KDM7A: variants seen among roughly 807,000 people sequenced by gnomAD.
The protein encoded by KDM7A is lysine-specific demethylase 7A.
KDM7A carries 28 observed loss-of-function variants against 114.8 expected under a neutral mutation model. The ratio of observed to expected loss-of-function variants is 0.24; its 90% confidence interval spans 0.18 to 0.33. KDM7A has a LOEUF of 0.33. Ranked by LOEUF, KDM7A falls within the 10% of genes least tolerant of loss-of-function variation. The pLI is 1.00. For missense variants in KDM7A, 942 were observed against 1,142.5 expected (o/e 0.82, Z 2.53); for synonymous variants, 423 against 397.8 (o/e 1.06, Z -0.75).
At chr7:140,159,919 TAAG>T (rs1444352121) in intron 1 of KDM7A, among the ~76,000 whole-genome samples, 1 of 149,258 alleles carries the variant, frequency 6.7e-6, no homozygotes, top group African/African-American at 2.5e-5. Context: ...TTTGCTTATT[TAAG>T]TTCTTCAATC....
chr7:140,173,492 C>T (rs1206124345), intron 1 of KDM7A, among the ~76,000 whole-genome samples: 3 of 152,116 alleles, frequency 2.0e-5, no homozygotes, highest in Admixed American at 6.5e-5. Flanking sequence ...ATGTCAGAAA[C>T]GCCAGGCAGA....
At chr7:140,140,925 T>C (rs889469060) in intron 1 of KDM7A, among the ~76,000 whole-genome samples, 8 of 151,778 alleles carry the variant, frequency 5.3e-5, no homozygotes, top group Non-Finnish European at 7.4e-5. Context: ...ATCCAGAAAA[T>C]GCAAAAGAAT....
intron 4 of KDM7A, among the ~76,000 whole-genome samples, chr7:140,128,893 C>T (rs1818747296): frequency 6.6e-6 from 1 of 152,186 alleles, no homozygotes; most frequent in Non-Finnish European, 1.5e-5. Flanking sequence ...ATGTCAACAA[C>T]ATGGCAAGGG....
rs549997634 is a variant in KDM7A at position 140,121,663 on chromosome 7, T to C, written c.1052-1134A>G. ...TTGTGAGTGGGAGCCAGGAGTACAA[T>C]ATGTGAGACAGTTCCATACAAAATG... On this transcript the variant is annotated intron_variant, in intron 7 of 19. Transcript: ENST00000397560. Among the ~76,000 whole-genome samples the C allele has an allele frequency of 9.2e-5, 14 of 152,324 alleles. No homozygotes were observed. In the South Asian group the frequency reaches 1.7e-3, roughly 18 times the overall value.
At chr7:140,153,652 G>T (rs2116839422) in intron 1 of KDM7A, among the ~76,000 whole-genome samples, 1 of 152,316 alleles carries the variant, frequency 6.6e-6, no homozygotes, top group South Asian at 2.1e-4. Context: ...TGAAAAAACA[G>T]TAAAACTAAT....
At chr7:140,124,479 TA>T (rs1451514444) in intron 7 of KDM7A, 141 bp downstream of exon 7, 22 of 590,146 alleles carry the variant, frequency 3.7e-5, no homozygotes, top group Non-Finnish European at 6.3e-5. Context: ...GAACAAAACA[TA>T]AAAGTCCAAG....
At chr7:140,094,996 C>T (rs1436389276) in intron 17 of KDM7A, among the ~76,000 whole-genome samples, 6 of 152,168 alleles carry the variant, frequency 3.9e-5, no homozygotes, top group South Asian at 4.1e-4. Flanking sequence ...TACAGGCATG[C>T]GCCACCACGC....
At chr7:140,096,874 G>A (rs202106512) in intron 16 of KDM7A, 25 bp downstream of exon 16, 1 of 1,608,406 alleles carries the variant, frequency 6.2e-7, no homozygotes, top group African/African-American at 1.3e-5. Flanking sequence ...AATATAATAA[G>A]ACTTACTACT....
rs766372394 is a variant in KDM7A, at chr7:140,096,563, A to G, written c.2366T>C (p.Val789Ala). Reference sequence around the variant, plus strand: ...TAATTTATGTTTCTTACCACATTCCACTGGTTTATCATAGCGATACAACTG... The same window carrying G: ...TAATTTATGTTTCTTACCACATTCCGCTGGTTTATCATAGCGATACAACTG... Reference protein sequence around the residue: ...VRQLYRYDKPVECGYHVKTED... With the variant: ...VRQLYRYDKPAECGYHVKTED... The change falls in exon 17 of 20, where the codon GTG (valine) becomes GCG (alanine). Residue 789 changes from valine (V) to alanine (A), a missense_variant. By Grantham distance (64) the Val-to-Ala change is moderately conservative. Coordinates refer to ENST00000397560, the MANE Select transcript of KDM7A (RefSeq NM_030647.2). 6.2e-7 allele frequency: 1 copy of G among 1,613,006 alleles called. No homozygotes were observed.
chr7:140,145,884 A>G (rs1440110507), intron 1 of KDM7A, among the ~76,000 whole-genome samples: 1 of 152,258 alleles, frequency 6.6e-6, no homozygotes, highest in African/African-American at 2.4e-5. Flanking sequence ...TACATAAATC[A>G]GAATGACTCC....
chr7:140,113,410 T>C, intron 10 of KDM7A, 81 bp downstream of exon 10: 1 of 755,980 alleles, frequency 1.3e-6, no homozygotes, highest in South Asian at 1.8e-5. Flanking sequence ...CATTCACACG[T>C]GCTGCCAAAA....
chr7:140,100,118 C>G, intron 12 of KDM7A, 95 bp from the exon 13 acceptor site: 1 of 1,350,254 alleles, frequency 7.4e-7, no homozygotes, highest in Non-Finnish European at 1.0e-6. Flanking sequence ...CCCCATGGTC[C>G]TGCATCTCAA....
intron 11 of KDM7A, among the ~76,000 whole-genome samples, chr7:140,104,482 C>T (rs4348402): frequency 0.42 from 63,232 of 151,950 alleles, 13,401 homozygotes; most frequent in Middle Eastern, 0.47. Flanking sequence ...CTAATTTTTG[C>T]ATAAGGTGTA....
rs532777754 is a variant in KDM7A at position 140,140,291 on chromosome 7, A to T, written c.195-1101T>A. On this transcript the variant is annotated intron_variant, in intron 1 of 19. Transcript: ENST00000397560. The stretch of plus-strand genomic sequence containing the variant: ...TCAGTGAAACTTACCACATTATTAG[A>T]TTAAAAGAAAAATATCATATGACCA... Among the ~76,000 whole-genome samples, 61 of 152,358 alleles carry T rather than the reference A, an allele frequency of 4.0e-4. No homozygotes were observed. In the South Asian group the frequency reaches 9.9e-3, roughly 25 times the overall value.
intron 11 of KDM7A, among the ~76,000 whole-genome samples, chr7:140,105,915 G>A (rs1037534023): frequency 6.6e-6 from 1 of 152,174 alleles, no homozygotes; most frequent in Admixed American, 6.5e-5. Context: ...AATCCGTCTG[G>A]TCCTGGACTT....
intron 1 of KDM7A, among the ~76,000 whole-genome samples, chr7:140,150,146 G>A (rs1346057427): frequency 6.6e-6 from 1 of 152,070 alleles, no homozygotes; most frequent in African/African-American, 2.4e-5. Context: ...ATGGAAAATG[G>A]GAAAACCTTC....
In KDM7A at chr7:140,096,540, A is replaced by AT; in HGVS notation, c.2374+14dup. 1 of 1,600,232 alleles carries AT rather than the reference A, an allele frequency of 6.2e-7. No individual in the cohort carries two copies. The highest frequency in any genetic ancestry group is 8.6e-7 in the Non-Finnish European group (1 of 1,167,478). On this transcript the variant is annotated intron_variant, in intron 17 of 19. Coordinates refer to ENST00000397560, the MANE Select transcript of KDM7A (RefSeq NM_030647.2). ...ATATGTTACTTTTTAGAGACTGATA[A>AT]TTTATGTTTCTTACCACATTCCACT...
intron 12 of KDM7A, 22 bp downstream of exon 12, chr7:140,101,929 T>A: frequency 6.6e-7 from 1 of 1,524,244 alleles, no homozygotes; most frequent in African/African-American, 1.4e-5. Flanking sequence ...TTCTTTTTGT[T>A]GTCATGAAAC....
At chr7:140,175,812 C>T (rs1195760426) in intron 1 of KDM7A, among the ~76,000 whole-genome samples, 2 of 38,392 alleles carry the variant, frequency 5.2e-5, no homozygotes, top group African/African-American at 2.4e-4. Context: ...GACTCAAGTT[C>T]GCCGGCACCG....
Sources: allele counts gnomAD v4.1 joint callset (sites outside exome capture counted in the v4.1 genomes callset), GRCh38; gene constraint gnomAD v4.1.1; transcripts MANE v1.5; gene names NCBI Gene and HGNC (gene_info 2026-07-23, HGNC 2026-07-21).